The following PTPRG variants were observed in gnomAD, a reference collection of about 807,000 sequenced individuals.
PTPRG encodes the protein protein tyrosine phosphatase receptor type G, also known as receptor-type tyrosine-protein phosphatase gamma.
PTPRG carries 102 observed loss-of-function variants against 165.3 expected under a neutral mutation model. The ratio of observed to expected loss-of-function variants is 0.62; its 90% confidence interval spans 0.53 to 0.73. The LOEUF (loss-of-function observed/expected upper bound fraction) is 0.73, where lower values mean the gene tolerates loss of function less well. PTPRG is among the 30% of genes least tolerant of loss of function. PTPRG has a pLI of 0.00. For missense variants in PTPRG, 1,866 were observed against 1,861.4 expected (o/e 1.00, Z -0.05); for synonymous variants, 675 against 669.5 (o/e 1.01, Z -0.13).
intron 1 of PTPRG, among the ~76,000 whole-genome samples, chr3:61,614,418 CT>C (rs550755163): frequency 1.3e-4 from 15 of 117,680 alleles, no homozygotes; most frequent in East Asian, 5.5e-4. Flanking sequence ...TTAATAATAC[CT>C]TTTTTTTTTT....
At chr3:62,126,986 T>A (rs1464334256) in intron 5 of PTPRG, among the ~76,000 whole-genome samples, 2 of 152,208 alleles carry the variant, frequency 1.3e-5, no homozygotes, top group African/African-American at 4.8e-5. Flanking sequence ...TATCAGAAAC[T>A]AAGACCATTG....
intron 2 of PTPRG, among the ~76,000 whole-genome samples, chr3:61,816,514 A>G (rs2035768900): frequency 6.6e-6 from 1 of 152,176 alleles, no homozygotes; most frequent in African/African-American, 2.4e-5. Context: ...CTTGGGTGAC[A>G]CAGCGAGACT....
At chr3:61,724,798 G>T (rs2032190297) in intron 1 of PTPRG, among the ~76,000 whole-genome samples, 1 of 151,732 alleles carries the variant, frequency 6.6e-6, no homozygotes, top group African/African-American at 2.4e-5. Context: ...TGTGTCTTTT[G>T]CCCACTTTCT....
intron 2 of PTPRG, among the ~76,000 whole-genome samples, chr3:61,957,643 T>C (rs2040063781): frequency 6.6e-6 from 1 of 152,216 alleles, no homozygotes; most frequent in South Asian, 2.1e-4. Flanking sequence ...TTACTGCTGG[T>C]GTCATTTAGT....
chr3:61,841,470 TGGGGC>T (rs1482160059), intron 2 of PTPRG, among the ~76,000 whole-genome samples: 1 of 152,218 alleles, frequency 6.6e-6, no homozygotes, highest in African/African-American at 2.4e-5. Flanking sequence ...TCCAGACTAA[TGGGGC>T]ATTGAACTAA....
At chr3:61,677,973 AC>A (rs1350140986) in intron 1 of PTPRG, among the ~76,000 whole-genome samples, 2 of 152,134 alleles carry the variant, frequency 1.3e-5, no homozygotes, top group Non-Finnish European at 2.9e-5. Context: ...GAAATTCGAT[AC>A]CCAGAGGTGC....
rs1432370110 is a variant in PTPRG, at chr3:62,105,208, CAAAT to C, written c.615+26953_615+26956del. ...ATTTATGCATGGAGCTACACAAAGA[CAAAT>C]AACATGTTTTAGTCATTGTCAGTGG... On this transcript the variant is annotated intron_variant, in intron 5 of 29. Coordinates refer to ENST00000474889, the MANE Select transcript of PTPRG (RefSeq NM_002841.4). Among the ~76,000 whole-genome samples the C allele has an allele frequency of 2.0e-5, 3 of 152,274 alleles. No individual in the cohort carries two copies. In the East Asian group the frequency reaches 5.8e-4, roughly 29 times the overall value.
At chr3:62,063,523 G>GTA (rs1455697174) in intron 4 of PTPRG, among the ~76,000 whole-genome samples, 3 of 152,202 alleles carry the variant, frequency 2.0e-5, no homozygotes, top group Non-Finnish European at 4.4e-5. Flanking sequence ...TTTATATAAA[G>GTA]TAAAATTATA....
intron 2 of PTPRG, among the ~76,000 whole-genome samples, chr3:61,755,881 T>C (rs2033618553): frequency 6.6e-6 from 1 of 152,168 alleles, no homozygotes; most frequent in African/African-American, 2.4e-5. Flanking sequence ...TCACCTGGAA[T>C]TGGACTACAG....
intron 1 of PTPRG, among the ~76,000 whole-genome samples, chr3:61,709,432 A>AC (rs1337961640): frequency 5.7e-4 from 87 of 152,018 alleles, no homozygotes; most frequent in African/African-American, 2.1e-3. Context: ...CTCCTGCCTC[A>AC]CCCTTCCGAA....
chr3:62,234,089 A>G (rs1253231314), intron 14 of PTPRG, among the ~76,000 whole-genome samples: 1 of 152,178 alleles, frequency 6.6e-6, no homozygotes, highest in African/African-American at 2.4e-5. Context: ...CTTGTACACA[A>G]TGGAATACAG....
intron 8 of PTPRG, among the ~76,000 whole-genome samples, chr3:62,187,589 A>G (rs369261325): frequency 2.6e-5 from 4 of 152,364 alleles, no homozygotes; most frequent in East Asian, 1.9e-4. Context: ...AGGTGGAATC[A>G]GTAGTGGTTA....
chr3:62,272,079 T>C (rs181752294), intron 21 of PTPRG, among the ~76,000 whole-genome samples: 2 of 151,364 alleles, frequency 1.3e-5, no homozygotes, highest in African/African-American at 2.4e-5. Flanking sequence ...TGGGTGATGA[T>C]AGAGCAAGAT....
chr3:62,115,392 A>G (rs953505294), intron 5 of PTPRG, among the ~76,000 whole-genome samples: 9 of 152,174 alleles, frequency 5.9e-5, no homozygotes, highest in African/African-American at 1.7e-4. Context: ...TTTTGGTAGC[A>G]TATATCAAGA....
intron 2 of PTPRG, among the ~76,000 whole-genome samples, chr3:61,883,132 C>T (rs992343199): frequency 6.6e-6 from 1 of 152,138 alleles, no homozygotes. Context: ...GGGTGTCTGT[C>T]CTTGGGGACT....
rs764140516 is a variant in PTPRG at position 61,989,714 on chromosome 3, C to T, written c.280C>T (p.Arg94Cys). The T allele has an allele frequency of 1.3e-5, 21 of 1,613,966 alleles. No individual in the cohort carries two copies. The highest frequency in any genetic ancestry group is 4.5e-5 in the East Asian group (2 of 44,888). The change falls in exon 3 of 30, where the codon CGT becomes TGT. Residue 94 changes from arginine (R) to cysteine (C), a missense_variant. Around this residue, in one of 3 missense-constraint regions of PTPRG, gnomAD observed 408 missense variants for 376.2 expected, o/e 1.08. Coordinates refer to ENST00000474889, the MANE Select transcript of PTPRG (RefSeq NM_002841.4). The stretch of plus-strand genomic sequence containing the variant: ...TATTGACATTTTAGACCAGTATGCG[C>T]GTGTTGGGGAAGAATACCAGGAACT... ...SPIDILDQYA[R>C]VGEEYQELQL...
At chr3:61,948,510 G>A (rs1193613469) in intron 2 of PTPRG, among the ~76,000 whole-genome samples, 1 of 152,136 alleles carries the variant, frequency 6.6e-6, no homozygotes, top group Non-Finnish European at 1.5e-5. Context: ...TTTCATGCTA[G>A]TGTTATGGGG....
intron 4 of PTPRG, among the ~76,000 whole-genome samples, chr3:62,059,459 A>G (rs1158172724): frequency 6.6e-6 from 1 of 152,218 alleles, no homozygotes; most frequent in Non-Finnish European, 1.5e-5. Context: ...AGAAATATGG[A>G]CCGAGACCTG....
In PTPRG at chr3:62,001,427, C is replaced by T. The variant is rs184540702; in HGVS notation, c.371-1922C>T. Among the ~76,000 whole-genome samples the T allele has an allele frequency of 3.9e-3, 591 of 152,172 alleles. 2 individuals are homozygous for T. The highest frequency in any genetic ancestry group is 6.5e-3 in the Non-Finnish European group (445 of 67,994). On this transcript the variant is annotated intron_variant, in intron 3 of 29. Transcript: ENST00000474889. ...TGTATTGTAACAGATGCAATCAAAA[C>T]GTTTTGCCTTCGTCCTGTGGATGCA...
Sources: allele counts gnomAD v4.1 joint callset (sites outside exome capture counted in the v4.1 genomes callset), GRCh38; gene constraint gnomAD v4.1.1; regional missense constraint gnomAD v4.1.1; transcripts MANE v1.5; gene names NCBI Gene and HGNC (gene_info 2026-07-23, HGNC 2026-07-21).